Variants in SHISA9 observed in about 807,000 individuals in gnomAD.
SHISA9 encodes the protein shisa family member 9.
SHISA9 carries 13 observed loss-of-function variants against 38.0 expected under a neutral mutation model. That is an observed-to-expected ratio of 0.34 (90% CI 0.22 to 0.54). The LOEUF (loss-of-function observed/expected upper bound fraction) is 0.54, where lower values mean the gene tolerates loss of function less well. Ranked by LOEUF, SHISA9 falls within the 20% of genes least tolerant of loss-of-function variation. The pLI, the probability that SHISA9 is intolerant of heterozygous loss-of-function variation, is 0.91. For missense variants in SHISA9, 538 were observed against 575.8 expected (o/e 0.93, Z 0.67); for synonymous variants, 275 against 242.0 (o/e 1.14, Z -1.27).
chr16:13,015,852 CCCTT>C (rs1402065101), intron 2 of SHISA9, among the ~76,000 whole-genome samples: 1 of 82,120 alleles, frequency 1.2e-5, no homozygotes, highest in Non-Finnish European at 3.1e-5. Context: ...TTCTTTCTTT[CCCTT>C]TCTTTCTTTC....
rs1337518706 is a variant in SHISA9 at position 12,901,908 on chromosome 16, C to A, written c.-157C>A. The A allele has an allele frequency of 8.0e-6, 3 of 375,684 alleles. No homozygotes were observed. The highest frequency in any genetic ancestry group is 4.3e-5 in the African/African-American group (2 of 46,206). The allele number at this position is 375,684 out of a possible 1,614,324, so 23.3% of individuals were successfully genotyped here. On this transcript the variant is annotated 5_prime_UTR_variant, in exon 1 of 5. Coordinates refer to ENST00000558583, the MANE Select transcript of SHISA9 (RefSeq NM_001145204.3). ...CGCGGGCTGAGCCGAGCGCAGTGGC[C>A]GCCGACCACCGAGCGCCCCGCGCCG...
the SHISA9 span, among the ~76,000 whole-genome samples, chr16:13,354,204 C>T: frequency 7.1e-6 from 1 of 141,576 alleles, no homozygotes; most frequent in Admixed American, 7.3e-5. Context: ...TTATTTCCTT[C>T]AGGATAGATT....
chr16:13,544,431 T>TG, the SHISA9 span, among the ~76,000 whole-genome samples: 3 of 141,938 alleles, frequency 2.1e-5, no homozygotes, highest in East Asian at 6.0e-4. Context: ...TTTTTCTTGT[T>TG]TTTTTTTTTT....
At chr16:13,230,196 A>G (rs148068594) in intron 4 of SHISA9, among the ~76,000 whole-genome samples, 183 of 152,292 alleles carry the variant, frequency 1.2e-3, no homozygotes, top group Admixed American at 4.1e-3. Context: ...CAGGGCAGGA[A>G]CCATGTCTGT....
chr16:13,065,623 GT>G (rs1402299021), intron 2 of SHISA9, among the ~76,000 whole-genome samples: 1 of 152,248 alleles, frequency 6.6e-6, no homozygotes, highest in Non-Finnish European at 1.5e-5. Context: ...CTAATTAAAA[GT>G]TTCTGTTGCT....
At chr16:13,522,980 C>G in the SHISA9 span, among the ~76,000 whole-genome samples, 1 of 152,072 alleles carries the variant, frequency 6.6e-6, no homozygotes, top group Non-Finnish European at 1.5e-5. Flanking sequence ...AATGTGGAGA[C>G]CAGTGCTCCC....
chr16:13,377,283 T>C, the SHISA9 span, among the ~76,000 whole-genome samples: 3 of 152,242 alleles, frequency 2.0e-5, no homozygotes, highest in Non-Finnish European at 4.4e-5. Context: ...GATCCCTTTA[T>C]GGAGCAAGCT....
chr16:13,493,537 C>T, the SHISA9 span, among the ~76,000 whole-genome samples: 73 of 152,268 alleles, frequency 4.8e-4, no homozygotes, highest in African/African-American at 1.1e-3. Flanking sequence ...GTAGGAGGTA[C>T]GTTCTAATGA....
intron 4 of SHISA9, among the ~76,000 whole-genome samples, chr16:13,213,828 C>G (rs962266306): frequency 2.0e-5 from 3 of 152,200 alleles, no homozygotes; most frequent in Admixed American, 6.5e-5. Context: ...GTTAACCCAG[C>G]TGGGTGACCA....
the SHISA9 span, among the ~76,000 whole-genome samples, chr16:13,551,039 G>T: frequency 6.6e-6 from 1 of 151,650 alleles, no homozygotes; most frequent in Non-Finnish European, 1.5e-5. Flanking sequence ...AAGGAGAATC[G>T]CTTGAACCTG....
At chr16:12,951,956 G>C (rs909295488) in intron 2 of SHISA9, among the ~76,000 whole-genome samples, 4 of 152,208 alleles carry the variant, frequency 2.6e-5, no homozygotes, top group African/African-American at 9.6e-5. Context: ...ACATATGCAT[G>C]TCAATATGGC....
the SHISA9 span, among the ~76,000 whole-genome samples, chr16:13,306,510 G>T: frequency 6.6e-6 from 1 of 152,172 alleles, no homozygotes; most frequent in African/African-American, 2.4e-5. Context: ...AAAACTTAAT[G>T]ATAGCATTCT....
the SHISA9 span, among the ~76,000 whole-genome samples, chr16:13,364,140 A>G: frequency 3.9e-5 from 6 of 152,360 alleles, no homozygotes; most frequent in South Asian, 4.1e-4. Flanking sequence ...TGTATGTGTC[A>G]TCTTTATTGT....
the SHISA9 span, among the ~76,000 whole-genome samples, chr16:13,520,699 G>A: frequency 6.6e-6 from 1 of 151,260 alleles, no homozygotes; most frequent in Non-Finnish European, 1.5e-5. Flanking sequence ...AAAAGCCAAG[G>A]AGAAGAGTAA....
chr16:13,085,996 A>G (rs989913003), intron 2 of SHISA9, among the ~76,000 whole-genome samples: 4 of 152,228 alleles, frequency 2.6e-5, no homozygotes, highest in South Asian at 2.1e-4. Context: ...TGAAAACACA[A>G]GAGTATTGTT....
the SHISA9 span, among the ~76,000 whole-genome samples, chr16:13,422,042 T>A: frequency 6.6e-6 from 1 of 152,174 alleles, no homozygotes; most frequent in African/African-American, 2.4e-5. Flanking sequence ...TGAATGCATA[T>A]ACCCAATCAC....
chr16:13,482,299 C>A, the SHISA9 span, among the ~76,000 whole-genome samples: 4 of 152,252 alleles, frequency 2.6e-5, no homozygotes, highest in African/African-American at 7.2e-5. Flanking sequence ...CTTCTCCATA[C>A]AATTACCTTT....
At chr16:13,046,725 C>T (rs1002442125) in intron 2 of SHISA9, among the ~76,000 whole-genome samples, 3 of 152,182 alleles carry the variant, frequency 2.0e-5, no homozygotes, top group East Asian at 3.8e-4. Context: ...TCTCGCTTCT[C>T]TCCTCTCCAA....
intron 2 of SHISA9, among the ~76,000 whole-genome samples, chr16:12,970,469 GTATATA>G (rs781120776): frequency 0.039 from 948 of 24,004 alleles, 41 homozygotes; most frequent in South Asian, 0.059. Flanking sequence ...ATATGTGTGT[GTATATA>G]TATATATATA....
Sources: allele counts gnomAD v4.1 joint callset (sites outside exome capture counted in the v4.1 genomes callset), GRCh38; gene constraint gnomAD v4.1.1; transcripts MANE v1.5; gene names NCBI Gene and HGNC (gene_info 2026-07-23, HGNC 2026-07-21).